DZIP1L: variants seen among roughly 807,000 people sequenced by gnomAD.
DZIP1L encodes the protein DAZ interacting zinc finger protein 1 like.
Under a neutral mutation model 88.7 loss-of-function variants are expected in DZIP1L, and 90 were observed. That is an observed-to-expected ratio of 1.02 (90% confidence interval 0.86 to 1.21). The LOEUF is 1.21. DZIP1L is among the 50% of genes most tolerant of loss of function. The pLI, the probability that DZIP1L is intolerant of heterozygous loss-of-function variation, is 0.00. For synonymous variants in DZIP1L, 363 were observed against 372.1 expected, an observed-to-expected ratio of 0.98 and a Z score of 0.28; for missense variants, 932 against 955.8, an observed-to-expected ratio of 0.98 and a Z score of 0.33.
chr3:138,083,831 A>C (rs1943789752), intron 8 of DZIP1L, among the ~76,000 whole-genome samples: 1 of 152,228 alleles, frequency 6.6e-6, no homozygotes, highest in Non-Finnish European at 1.5e-5. Context: ...AAATGAGGTA[A>C]TAAGCAAAGT....
intron 6 of DZIP1L, among the ~76,000 whole-genome samples, chr3:138,087,844 AG>A (rs1944020043): frequency 6.6e-6 from 1 of 152,240 alleles, no homozygotes; most frequent in African/African-American, 2.4e-5. Context: ...AAATTCATCC[AG>A]GGGTGGCCAG....
At position 138,064,730 on chromosome 3, in the gene DZIP1L, C is replaced by T. The variant is rs547254982; in HGVS notation, c.2040G>A (p.Lys680=). 44 of 1,603,146 alleles carry T rather than the reference C, an allele frequency of 2.7e-5. No homozygotes were observed. The South Asian group carries it at 4.7e-4, about 17-fold the overall frequency. ...GCTTCTTTGCTGGAGCTTCTAGCTGCTTCTCCAGGTTTTTGACCATCGACT... is the reference window on the plus strand; with the variant it reads ...GCTTCTTTGCTGGAGCTTCTAGCTGTTTCTCCAGGTTTTTGACCATCGACT... ...LVQSMVKNLE[K]QLEAPAKKPA... Residue 680 remains lysine (K), a synonymous_variant, in exon 15 of 16, where the codon AAG becomes AAA. Coordinates refer to ENST00000327532, the MANE Select transcript of DZIP1L (RefSeq NM_173543.3).
intron 12 of DZIP1L, among the ~76,000 whole-genome samples, chr3:138,070,220 G>A (rs1943114218): frequency 1.3e-5 from 2 of 152,194 alleles, no homozygotes; most frequent in Admixed American, 1.3e-4. Context: ...CCCAGGTGAG[G>A]TGGAAGGCCC....
chr3:138,110,631 G>T (rs2042602788), intron 1 of DZIP1L, among the ~76,000 whole-genome samples: 1 of 152,126 alleles, frequency 6.6e-6, no homozygotes, highest in Admixed American at 6.5e-5. Flanking sequence ...ATCAACAAAT[G>T]ATTCCTGAGG....
Position 138,067,544 on chromosome 3 carries a change from AG to A in DZIP1L, c.1988del (p.Pro663LeufsTer20). ...TETSEENAQP[P>X]GQGSGTLVQS... is the part of the protein sequence containing the mutation. Reference sequence around the variant, plus strand: ...GTGCCAGCTCACCTGAGCCCTGGCCAGGGGGCTGGGCATTCTCCTCCGAGGT... The same window carrying A: ...GTGCCAGCTCACCTGAGCCCTGGCCAGGGGCTGGGCATTCTCCTCCGAGGT... On this transcript the variant is annotated frameshift_variant, in exon 14 of 16. Transcript: ENST00000327532. LOFTEE classifies it high-confidence loss of function. The A allele has an allele frequency of 6.2e-7, 1 of 1,605,610 alleles. No homozygotes were observed. Among genetic ancestry groups the A allele is most frequent in the Non-Finnish European group, 8.5e-7 (1 of 1,176,334 alleles).
rs1413006682 is a variant in DZIP1L, at chr3:138,084,232, GC to G, written c.1083del (p.Arg361SerfsTer41). 1.9e-6 allele frequency: 3 copies of G among 1,614,022 alleles called. No individual in the cohort carries two copies. The highest frequency in any genetic ancestry group is 1.7e-6 in the Non-Finnish European group (2 of 1,179,984). Reference sequence around the variant, plus strand: ...TGATCCTGAGACAGGGAGGCCTGGAGCCTCTGGTTCTCCTCCTGTAGCTGGC... The same window carrying G: ...TGATCCTGAGACAGGGAGGCCTGGAGCTCTGGTTCTCCTCCTGTAGCTGGC... ...EKKELQEENQ[R>X]LQASLSQDQK... On this transcript the variant is annotated frameshift_variant, in exon 8 of 16. Coordinates refer to ENST00000327532, the MANE Select transcript of DZIP1L (RefSeq NM_173543.3). LOFTEE classifies it high-confidence loss of function.
chr3:138,069,109 C>G, intron 12 of DZIP1L: 1 of 842,446 alleles, frequency 1.2e-6, no homozygotes, highest in South Asian at 1.7e-5. Context: ...TTTCTTCCGA[C>G]TCTGCCACCC....
chr3:138,106,417 T>A (rs1357546187), intron 1 of DZIP1L, among the ~76,000 whole-genome samples: 2 of 151,254 alleles, frequency 1.3e-5, no homozygotes, highest in Non-Finnish European at 2.9e-5. Context: ...GGGTTACAGG[T>A]ATGAGCCACT....
intron 12 of DZIP1L, among the ~76,000 whole-genome samples, chr3:138,068,749 A>AC (rs1408998525): frequency 3.3e-5 from 5 of 152,058 alleles, no homozygotes; most frequent in Non-Finnish European, 4.4e-5. Flanking sequence ...CTGCAGGAAG[A>AC]CCCCACTGCC....
chr3:138,080,723 A>G, intron 9 of DZIP1L, 103 bp from the exon 10 acceptor site: 1 of 1,208,020 alleles, frequency 8.3e-7, no homozygotes, highest in Non-Finnish European at 1.2e-6. Flanking sequence ...GAAAGAGAAA[A>G]CCCTCCAGTC....
chr3:138,095,243 C>T (rs1197706635), intron 3 of DZIP1L, among the ~76,000 whole-genome samples: 2 of 152,012 alleles, frequency 1.3e-5, no homozygotes, highest in African/African-American at 2.4e-5. Context: ...GTGTCTGGCA[C>T]GACAGCTCAA....
chr3:138,091,733 T>C (rs1264532374), intron 5 of DZIP1L, among the ~76,000 whole-genome samples: 2 of 151,476 alleles, frequency 1.3e-5, no homozygotes, highest in Non-Finnish European at 2.9e-5. Context: ...AGAAATAAAA[T>C]AGCTTTTTTA....
intron 12 of DZIP1L, chr3:138,069,106 C>T (rs142773594): frequency 8.1e-6 from 7 of 860,152 alleles, no homozygotes; most frequent in South Asian, 3.4e-5. Context: ...GATTTTCTTC[C>T]GACTCTGCCA....
chr3:138,107,809 A>G (rs2042539079), intron 1 of DZIP1L, among the ~76,000 whole-genome samples: 1 of 152,102 alleles, frequency 6.6e-6, no homozygotes, highest in Non-Finnish European at 1.5e-5. Flanking sequence ...CCCACCCTGG[A>G]GCTCAGCATG....
intron 4 of DZIP1L, among the ~76,000 whole-genome samples, chr3:138,093,065 T>C (rs1944308861): frequency 6.6e-6 from 1 of 152,224 alleles, no homozygotes; most frequent in Admixed American, 6.5e-5. Flanking sequence ...TTCAATTTAC[T>C]TTGCTCAGAT....
chr3:138,102,395 G>C (rs2042348370), intron 2 of DZIP1L: 1 of 1,292,330 alleles, frequency 7.7e-7, no homozygotes, highest in Non-Finnish European at 1.1e-6. Context: ...TGTTCTCGAA[G>C]TCCTCCACCC....
intron 11 of DZIP1L, 52 bp from the exon 12 acceptor site, chr3:138,071,887 T>C: frequency 1.3e-6 from 2 of 1,534,934 alleles, no homozygotes; most frequent in Non-Finnish European, 1.8e-6. Context: ...CTTCTTCTCC[T>C]TCCCCTAAGC....
At chr3:138,095,636 G>C (rs532725168) in intron 3 of DZIP1L, among the ~76,000 whole-genome samples, 1 of 152,152 alleles carries the variant, frequency 6.6e-6, no homozygotes, top group South Asian at 2.1e-4. Flanking sequence ...AAAAAAATTA[G>C]CCGGGTGTGG....
At chr3:138,074,296 G>C (rs191402639) in intron 11 of DZIP1L, among the ~76,000 whole-genome samples, 46 of 152,280 alleles carry the variant, frequency 3.0e-4, no homozygotes, top group Non-Finnish European at 1.8e-4. Context: ...AGAATCATAA[G>C]AGCTGTGAGG....
Sources: allele counts gnomAD v4.1 joint callset (sites outside exome capture counted in the v4.1 genomes callset), GRCh38; gene constraint gnomAD v4.1.1; transcripts MANE v1.5; gene names NCBI Gene and HGNC (gene_info 2026-07-23, HGNC 2026-07-21).